Variants in SLC35D4 observed in about 807,000 individuals in gnomAD.
SLC35D4 encodes the protein UDP-N-acetylglucosamine transporter SLC35D4.
At chr18:23,251,794 C>T in the SLC35D4 span, among the ~76,000 whole-genome samples, 1 of 152,076 alleles carries the variant, frequency 6.6e-6, no homozygotes, top group African/African-American at 2.4e-5. Context: ...CCCTTGAAGA[C>T]TCCATAGTAG....
the SLC35D4 span, among the ~76,000 whole-genome samples, chr18:23,415,453 C>A: frequency 6.6e-6 from 1 of 152,166 alleles, no homozygotes; most frequent in Non-Finnish European, 1.5e-5. Flanking sequence ...TTTATTTAAA[C>A]CTGTAGCCTG....
At chr18:23,267,597 C>T in the SLC35D4 span, among the ~76,000 whole-genome samples, 2 of 152,212 alleles carry the variant, frequency 1.3e-5, no homozygotes, top group African/African-American at 4.8e-5. Context: ...CGGCTGCCCA[C>T]TCCCTGCACT....
the SLC35D4 span, among the ~76,000 whole-genome samples, chr18:23,357,838 G>GT: frequency 1.3e-5 from 2 of 152,210 alleles, no homozygotes; most frequent in Non-Finnish European, 2.9e-5. Flanking sequence ...GCGAGTGAGT[G>GT]TGTGTTTAAC....
the SLC35D4 span, among the ~76,000 whole-genome samples, chr18:23,272,827 C>T: frequency 6.6e-6 from 1 of 152,190 alleles, no homozygotes; most frequent in East Asian, 1.9e-4. Context: ...GCACAGTGTC[C>T]ACAGACAGTT....
At chr18:23,247,317 C>T in the SLC35D4 span, among the ~76,000 whole-genome samples, 2 of 152,250 alleles carry the variant, frequency 1.3e-5, no homozygotes, top group Non-Finnish European at 2.9e-5. Context: ...CGAGGACTGT[C>T]ATCCCCTCTG....
chr18:23,371,576 G>A, the SLC35D4 span: 2 of 881,234 alleles, frequency 2.3e-6, no homozygotes, highest in East Asian at 3.0e-5. Flanking sequence ...GCCAAGCAAG[G>A]GTCCCAAAAC....
the SLC35D4 span, among the ~76,000 whole-genome samples, chr18:23,286,935 C>G: frequency 4.6e-5 from 7 of 151,864 alleles, no homozygotes; most frequent in South Asian, 2.1e-4. Context: ...TGTATCCCCC[C>G]ACCTTAACCC....
chr18:23,342,321 T>C, the SLC35D4 span, among the ~76,000 whole-genome samples: 1 of 152,172 alleles, frequency 6.6e-6, no homozygotes, highest in Admixed American at 6.5e-5. Context: ...TAATACTATA[T>C]GTATTCTTTT....
At chr18:23,245,363 T>C in the SLC35D4 span, among the ~76,000 whole-genome samples, 1 of 151,912 alleles carries the variant, frequency 6.6e-6, no homozygotes, top group East Asian at 1.9e-4. Flanking sequence ...ACAAAAAAAA[T>C]AGCCAGGCGT....
At chr18:23,332,830 T>C in the SLC35D4 span, among the ~76,000 whole-genome samples, 1 of 152,054 alleles carries the variant, frequency 6.6e-6, no homozygotes, top group Non-Finnish European at 1.5e-5. Flanking sequence ...GTGAAGTGTA[T>C]GCAATTATTC....
At chr18:23,433,723 A>G in the SLC35D4 span, among the ~76,000 whole-genome samples, 1 of 152,328 alleles carries the variant, frequency 6.6e-6, no homozygotes, top group East Asian at 1.9e-4. Flanking sequence ...GGTCAGAATG[A>G]GCTATATAAG....
the SLC35D4 span, among the ~76,000 whole-genome samples, chr18:23,424,300 AC>A: frequency 6.6e-6 from 1 of 152,228 alleles, no homozygotes; most frequent in African/African-American, 2.4e-5. Flanking sequence ...AATTTAAGCA[AC>A]AGATGGAATT....
the SLC35D4 span, among the ~76,000 whole-genome samples, chr18:23,400,453 G>A: frequency 1.3e-5 from 2 of 151,998 alleles, 1 homozygote; most frequent in South Asian, 4.2e-4. Flanking sequence ...GTGAAACCCC[G>A]TCTCTACTAA....
the SLC35D4 span, among the ~76,000 whole-genome samples, chr18:23,380,946 T>C: frequency 2.0e-5 from 3 of 151,720 alleles, no homozygotes; most frequent in Non-Finnish European, 4.4e-5. Context: ...AAAATGATTC[T>C]AGTAAAATCT....
At chr18:23,297,658 C>T in the SLC35D4 span, 17 of 256,992 alleles carry the variant, frequency 6.6e-5, no homozygotes, top group Non-Finnish European at 1.1e-4. Flanking sequence ...GAAGCTCAGT[C>T]GAGGCGAGCA....
chr18:23,374,886 G>A, the SLC35D4 span, among the ~76,000 whole-genome samples: 8 of 152,068 alleles, frequency 5.3e-5, no homozygotes, highest in East Asian at 1.9e-4. Context: ...AGGCCAAGGC[G>A]GGCAGACCAC....
At chr18:23,338,777 C>T in the SLC35D4 span, among the ~76,000 whole-genome samples, 7 of 152,214 alleles carry the variant, frequency 4.6e-5, no homozygotes, top group African/African-American at 1.2e-4. Flanking sequence ...ACCCACAATG[C>T]GCTCCAGGTT....
the SLC35D4 span, chr18:23,356,781 G>A: frequency 1.3e-6 from 1 of 793,884 alleles, no homozygotes; most frequent in Non-Finnish European, 2.1e-6. This position sits in a 1 kb window ranked among gnomAD's most constrained non-coding sequence, Gnocchi z 4.1. Context: ...TCAGTCCCCT[G>A]GCATTGAATT....
chr18:23,360,554 T>C, the SLC35D4 span, among the ~76,000 whole-genome samples: 6 of 152,164 alleles, frequency 3.9e-5, no homozygotes, highest in South Asian at 8.3e-4. Flanking sequence ...TATAACAGCT[T>C]GAGAATAGAC....
Sources: allele counts gnomAD v4.1 joint callset (sites outside exome capture counted in the v4.1 genomes callset), GRCh38; gene constraint gnomAD v4.1.1; non-coding constraint Gnocchi (gnomAD v3.1); transcripts MANE v1.5; gene names NCBI Gene and HGNC (gene_info 2026-07-23, HGNC 2026-07-21).